BDKRB2: variants seen among roughly 807,000 people sequenced by gnomAD.
BDKRB2 encodes the protein bradykinin receptor B2.
In BDKRB2, 6 loss-of-function variants were observed where a neutral mutation model predicts 4.0. That is an observed-to-expected ratio of 1.49 (90% CI 0.81 to 2.93). BDKRB2 has a LOEUF of 2.93. Ranked by LOEUF, BDKRB2 falls within the 30% of genes most tolerant of loss-of-function variation. The probability of loss-of-function intolerance (pLI) is 0.00; values close to 1 mark genes in which losing one functional copy is unlikely to be tolerated. For missense variants in BDKRB2, 478 were observed against 520.1 expected (o/e 0.92, Z 0.79); for synonymous variants, 225 against 215.3 (o/e 1.05, Z -0.40).
At position 96,240,486 on chromosome 14, in the gene BDKRB2, T is replaced by TG; in HGVS notation, c.161dup (p.Trp55LeufsTer150). 1 of 1,535,068 alleles carries TG rather than the reference T, an allele frequency of 6.5e-7. No homozygotes were observed. The highest frequency in any genetic ancestry group is 8.7e-7 in the Non-Finnish European group (1 of 1,143,458). On this transcript the variant is annotated frameshift_variant, in exon 3 of 3. Coordinates refer to ENST00000554311, the MANE Select transcript of BDKRB2 (RefSeq NM_001379692.1). LOFTEE classifies it low-confidence loss of function (END_TRUNC). ...AGCAAATGCCCCCAAGTGGAGTGGC[T>TG]GGGCTGGCTCAACACCATCCAGCCC...
At chr14:96,221,334 TA>T (rs1890554829) in intron 1 of BDKRB2, among the ~76,000 whole-genome samples, 1 of 152,296 alleles carries the variant, frequency 6.6e-6, no homozygotes, top group East Asian at 1.9e-4. Flanking sequence ...AAATGCTCTG[TA>T]AATGCTGGTG....
intron 1 of BDKRB2, among the ~76,000 whole-genome samples, chr14:96,219,441 G>T (rs1566689760): frequency 6.6e-6 from 1 of 151,946 alleles, no homozygotes; most frequent in African/African-American, 2.4e-5. Context: ...CTGGCACTTG[G>T]CTCCTGCTGC....
At chr14:96,232,102 C>T (rs778558092) in intron 1 of BDKRB2, among the ~76,000 whole-genome samples, 4 of 152,180 alleles carry the variant, frequency 2.6e-5, no homozygotes, top group Non-Finnish European at 5.9e-5. Flanking sequence ...ACCCCACAGC[C>T]CCTGGTGTAG....
intron 1 of BDKRB2, among the ~76,000 whole-genome samples, chr14:96,227,611 A>T (rs558140947): frequency 1.3e-5 from 2 of 152,150 alleles, no homozygotes; most frequent in East Asian, 3.9e-4. Flanking sequence ...ACATGCATGC[A>T]CACACAAACA....
chr14:96,205,158 C>A (rs1333105092), intron 1 of BDKRB2, among the ~76,000 whole-genome samples, 199 bp downstream of exon 1: 1 of 152,140 alleles, frequency 6.6e-6, no homozygotes, highest in Non-Finnish European at 1.5e-5. Context: ...GGAGGAATCG[C>A]CCTGTTTGTC....
chr14:96,226,654 CA>C (rs11366380), intron 1 of BDKRB2, among the ~76,000 whole-genome samples: 131,474 of 146,724 alleles, frequency 0.9, 58,841 homozygotes, highest in East Asian at 1. Flanking sequence ...GACTTGGTCT[CA>C]AAAAAAAAAA....
intron 1 of BDKRB2, among the ~76,000 whole-genome samples, chr14:96,221,861 A>C (rs1890571281): frequency 2.0e-5 from 3 of 152,060 alleles, no homozygotes; most frequent in Admixed American, 1.3e-4. Context: ...TGTGTAGGGA[A>C]AACAGTTTCC....
rs1248711756 is a variant in BDKRB2, at chr14:96,204,891, TGGG to T, written c.-106_-104del. 3.2e-5 allele frequency: 8 copies of T among 251,026 alleles called. No homozygotes were observed. Among genetic ancestry groups the T allele is most frequent in the Non-Finnish European group, 3.9e-5 (5 of 129,758 alleles). 15.5% of individuals were successfully genotyped at this position (251,026 alleles called of 1,614,324 possible). A position where few individuals can be genotyped will look rare whatever the true frequency, so the allele number is the denominator to read the frequency against. The stretch of plus-strand genomic sequence containing the variant: ...GGAGGGGTGGGGACGGTGGGGACGG[TGGG>T]GACATCAGGCTGCCCCGCAGTACCA... On this transcript the variant is annotated 5_prime_UTR_variant, in exon 1 of 3. Coordinates refer to ENST00000554311, the MANE Select transcript of BDKRB2 (RefSeq NM_001379692.1).
At chr14:96,234,596 A>G (rs1234944730) in intron 1 of BDKRB2, among the ~76,000 whole-genome samples, 2 of 152,236 alleles carry the variant, frequency 1.3e-5, no homozygotes, top group African/African-American at 2.4e-5. Context: ...GAGCAGATGG[A>G]GAAAACAACT....
chr14:96,222,963 A>T, intron 1 of BDKRB2: 1 of 568,306 alleles, frequency 1.8e-6, no homozygotes, highest in Non-Finnish European at 3.2e-6. Flanking sequence ...GACATCACCG[A>T]CCGCTCTAGG....
intron 1 of BDKRB2, among the ~76,000 whole-genome samples, chr14:96,227,549 GCACA>G (rs1345640805): frequency 6.6e-6 from 1 of 152,040 alleles, no homozygotes; most frequent in Non-Finnish European, 1.5e-5. Context: ...ACACACACGT[GCACA>G]CACAAACACA....
chr14:96,238,441 G>A, intron 2 of BDKRB2: 1 of 983,128 alleles, frequency 1.0e-6, no homozygotes, highest in African/African-American at 1.7e-5. Context: ...AGAATATCAA[G>A]TAATTCGGGG....
chr14:96,238,390 C>A (rs759995310), intron 2 of BDKRB2: 2 of 901,274 alleles, frequency 2.2e-6, no homozygotes, highest in Admixed American at 6.2e-5. Flanking sequence ...GTCCAGCCCA[C>A]GTCCAGGAGA....
At chr14:96,232,780 G>T (rs540080625) in intron 1 of BDKRB2, among the ~76,000 whole-genome samples, 2 of 152,292 alleles carry the variant, frequency 1.3e-5, no homozygotes, top group East Asian at 1.9e-4. Context: ...TCAATTCAAG[G>T]TTGTTTACCA....
chr14:96,238,712 CCTT>C (rs1885178452), intron 2 of BDKRB2: 1 of 979,422 alleles, frequency 1.0e-6, no homozygotes, highest in Non-Finnish European at 1.2e-6. Context: ...CACTTGTCCT[CCTT>C]CTTGTCCCGT....
intron 1 of BDKRB2, among the ~76,000 whole-genome samples, chr14:96,218,055 C>T (rs1257517235): frequency 1.3e-5 from 2 of 152,074 alleles, no homozygotes; most frequent in East Asian, 1.9e-4. Flanking sequence ...CAAGTTCCTC[C>T]AGGACAATCG....
At chr14:96,207,730 C>T (rs945353124) in intron 1 of BDKRB2, among the ~76,000 whole-genome samples, 4 of 151,892 alleles carry the variant, frequency 2.6e-5, no homozygotes, top group African/African-American at 4.8e-5. Context: ...GGTAAGTCTC[C>T]GTACTTTCTG....
chr14:96,243,921 C>T lies in BDKRB2; in HGVS notation c.*2417C>T, dbSNP rs1466613610. The T allele has an allele frequency of 1.1e-5, 4 of 360,706 alleles. No homozygotes were observed. The highest frequency in any genetic ancestry group is 2.0e-5 in the Non-Finnish European group (4 of 203,124). The allele number at this position is 360,706 out of a possible 1,614,324, so 22.3% of individuals were successfully genotyped here. ...AGAGCACGTGATGGTCTGAGACTCT[C>T]TTAGGAGCAGAGCTCTGCCGCAATG... On this transcript the variant is annotated 3_prime_UTR_variant, in exon 3 of 3. Coordinates refer to ENST00000554311, the MANE Select transcript of BDKRB2 (RefSeq NM_001379692.1).
At chr14:96,213,366 C>A (rs918264793) in intron 1 of BDKRB2, among the ~76,000 whole-genome samples, 10 of 152,216 alleles carry the variant, frequency 6.6e-5, no homozygotes, top group African/African-American at 2.4e-4. Flanking sequence ...AATCTGTAAC[C>A]CCAAGTCCCA....
Sources: gnomAD v4.1 joint callset for allele counts (sites outside exome capture counted in the v4.1 genomes callset) on GRCh38, gnomAD v4.1.1 for gene constraint, MANE v1.5 for transcripts, NCBI Gene and HGNC (gene_info 2026-07-23, HGNC 2026-07-21) for gene names.